Variants in BLMH observed in about 807,000 individuals in gnomAD.
The protein encoded by BLMH is bleomycin hydrolase.
Under a neutral mutation model 61.6 loss-of-function variants are expected in BLMH, and 32 were observed. The observed-to-expected ratio is 0.52, with a 90% CI of 0.39 to 0.70. The LOEUF is 0.70. Among genes scored for constraint, BLMH ranks in the 30% least tolerant of loss-of-function variants. BLMH has a pLI of 0.00. For synonymous variants in BLMH, 183 were observed against 193.8 expected (o/e 0.94, Z 0.46); for missense variants, 460 against 555.5 (o/e 0.83, Z 1.73).
intron 11 of BLMH, among the ~76,000 whole-genome samples, chr17:30,255,344 G>A (rs1907784418): frequency 6.6e-6 from 1 of 152,174 alleles, no homozygotes; most frequent in South Asian, 2.1e-4. Flanking sequence ...GTTTGTGTAA[G>A]TACACTCCAT....
chr17:30,258,263 T>C (rs951971701), intron 11 of BLMH, among the ~76,000 whole-genome samples: 7 of 151,268 alleles, frequency 4.6e-5, no homozygotes, highest in African/African-American at 1.7e-4. Context: ...AACCACCCCT[T>C]ATAATTATGA....
intron 5 of BLMH, 72 bp from the exon 6 acceptor site, chr17:30,285,552 G>T: frequency 8.1e-7 from 1 of 1,233,176 alleles, no homozygotes; most frequent in Non-Finnish European, 1.1e-6. Flanking sequence ...ATAGACCAAC[G>T]CAAGTTCTAT....
At chr17:30,282,387 T>C (rs1008710767) in intron 6 of BLMH, among the ~76,000 whole-genome samples, 1 of 152,142 alleles carries the variant, frequency 6.6e-6, no homozygotes, top group Non-Finnish European at 1.5e-5. Context: ...CAGATGTTTT[T>C]TTCGTATTTT....
intron 11 of BLMH, 152 bp downstream of exon 11, chr17:30,266,733 G>A: frequency 1.4e-6 from 1 of 698,922 alleles, no homozygotes; most frequent in Non-Finnish European, 2.4e-6. Flanking sequence ...GAATCCTGGG[G>A]GCAAATCAGA....
chr17:30,273,016 T>A, intron 7 of BLMH, 117 bp from the exon 8 acceptor site: 1 of 1,116,002 alleles, frequency 9.0e-7, no homozygotes, highest in Non-Finnish European at 1.3e-6. Context: ...ACAAGCTAAG[T>A]ACTACAGCCA....
In BLMH at chr17:30,291,318, C is replaced by T. The variant is rs116202830; in HGVS notation, c.204G>A (p.Lys68=). 18 of 1,612,118 alleles carry T rather than the reference C, an allele frequency of 1.1e-5. No individual in the cohort carries two copies. In the African/African-American group the frequency reaches 2.1e-4, roughly 19 times the overall value. Residue 68 remains lysine, a synonymous_variant, in exon 2 of 12, where the codon AAG becomes AAA. Coordinates refer to ENST00000261714, the MANE Select transcript of BLMH (RefSeq NM_000386.4). ...AGAAGTGGAAGCCCACACCTGAGCT[C>T]TTCTGGTTGGTGATTGGCTTGCCCT... ...PQEGKPITNQ[K]SSGRCWIFSC... is the part of the protein sequence containing the mutation.
chr17:30,256,360 G>A (rs904394553), intron 11 of BLMH, among the ~76,000 whole-genome samples: 1 of 152,042 alleles, frequency 6.6e-6, no homozygotes, highest in African/African-American at 2.4e-5. Flanking sequence ...GCAGAGTCTT[G>A]CTCTGTAGCT....
intron 11 of BLMH, among the ~76,000 whole-genome samples, chr17:30,262,923 CAT>C (rs1445433364): frequency 2.6e-5 from 4 of 152,236 alleles, no homozygotes; most frequent in Non-Finnish European, 5.9e-5. Flanking sequence ...AATGTGCTAA[CAT>C]GTGACAAACC....
chr17:30,268,258 A>G lies in BLMH; in HGVS notation c.1147-1304T>C, dbSNP rs954516146. Among the ~76,000 whole-genome samples the G allele has an allele frequency of 5.3e-5, 8 of 152,182 alleles. No individual in the cohort carries two copies. The East Asian group carries it at 5.8e-4, about 11-fold the overall frequency. ...GTTTCCTATGTTTTCCCCTTGGCCA[A>G]TGAATTCCTGGAGTGACCTAGATCA... is the stretch of plus-strand genomic sequence containing the variant. On this transcript the variant is annotated intron_variant, in intron 10 of 11. Transcript: ENST00000261714.
Position 30,272,588 on chromosome 17 carries a change from C to T in BLMH, c.1001G>A (p.Ser334Asn). ...FGCDVGKHFNSKLGLSDMNLY... is the reference protein window; with the variant it reads ...FGCDVGKHFNNKLGLSDMNLY... ...ATTCATGTCACTGAGGCCCAGCTTG[C>T]TATTGAAGTGTTTTCCAACATCACA... Residue 334 changes from serine (S) to asparagine (N), a missense_variant, in exon 9 of 12, where the codon AGC (serine) becomes AAC (asparagine). Physicochemically the swap from Ser to Asn is conservative, Grantham distance 46. This residue lies in a region of BLMH where 310 missense variants were observed against 371.1 expected (regional missense o/e 0.84). Coordinates refer to ENST00000261714, the MANE Select transcript of BLMH (RefSeq NM_000386.4). The T allele has an allele frequency of 8.1e-6, 13 of 1,614,180 alleles. No homozygotes were observed. The highest frequency in any genetic ancestry group is 1.0e-5 in the Non-Finnish European group (12 of 1,180,042).
At position 30,262,523 on chromosome 17, in the gene BLMH, C is replaced by T. The variant is rs192052723; in HGVS notation, c.1216+4362G>A. Among the ~76,000 whole-genome samples the T allele has an allele frequency of 1.3e-4, 20 of 152,264 alleles. No individual in the cohort carries two copies. The East Asian group carries it at 1.7e-3, about 13-fold the overall frequency. The stretch of plus-strand genomic sequence containing the variant: ...AGAACTAAATAACCTTGGCCGGGCA[C>T]GGTGGCTCACGCCTGTAACCCAGCA... On this transcript the variant is annotated intron_variant, in intron 11 of 11. Transcript: ENST00000261714.
rs1310467714 is a variant in BLMH at position 30,248,419 on chromosome 17, C to G, written c.*598G>C. Reference sequence around the variant, plus strand: ...TCTAAGCCTCTACTCAAACCTGACTCAAGCAGAGATGTGCACACCCCACAG... The same window carrying G: ...TCTAAGCCTCTACTCAAACCTGACTGAAGCAGAGATGTGCACACCCCACAG... On this transcript the variant is annotated 3_prime_UTR_variant, in exon 12 of 12. Coordinates refer to ENST00000261714, the MANE Select transcript of BLMH (RefSeq NM_000386.4). 2 of 108,574 alleles carry G rather than the reference C, an allele frequency of 1.8e-5. No homozygotes were observed. Among genetic ancestry groups the G allele is most frequent in the East Asian group, 2.0e-4 (1 of 4,912 alleles). The allele number at this position is 108,574 out of a possible 1,614,324, so 6.7% of individuals were successfully genotyped here.
rs1268740779 is a variant in BLMH at position 30,249,134 on chromosome 17, C to T, written c.1251G>A (p.Glu417=). 4 of 1,614,014 alleles carry T rather than the reference C, an allele frequency of 2.5e-6. No individual in the cohort carries two copies. In the Admixed American group the frequency reaches 5.0e-5, roughly 20 times the overall value. The change falls in exon 12 of 12, where the codon GAG becomes GAA. Residue 417 remains glutamate (E), a synonymous_variant. Coordinates refer to ENST00000261714, the MANE Select transcript of BLMH (RefSeq NM_000386.4). ...TGTCCACCACCACTTCGTAGACATACTCAGAGAACCACTCATCTGTCATGC... is the reference window on the plus strand; with the variant it reads ...TGTCCACCACCACTTCGTAGACATATTCAGAGAACCACTCATCTGTCATGC... ...YLCMTDEWFS[E]YVYEVVVDRK... is the part of the protein sequence containing the mutation.
chr17:30,253,506 T>C (rs1220955762), intron 11 of BLMH, among the ~76,000 whole-genome samples: 1 of 152,120 alleles, frequency 6.6e-6, no homozygotes, highest in Non-Finnish European at 1.5e-5. Flanking sequence ...CTGTTGACAC[T>C]GTGTGTCTTG....
intron 9 of BLMH, 93 bp downstream of exon 9, chr17:30,272,468 G>T: frequency 7.1e-7 from 1 of 1,411,874 alleles, no homozygotes; most frequent in Non-Finnish European, 1.0e-6. Context: ...CTTCATCTTT[G>T]GATGAACCTC....
intron 6 of BLMH, among the ~76,000 whole-genome samples, chr17:30,282,520 GA>G (rs1908620537): frequency 6.6e-6 from 1 of 152,098 alleles, no homozygotes; most frequent in African/African-American, 2.4e-5. Flanking sequence ...GCCCAACTGA[GA>G]ATACATTAAT....
intron 11 of BLMH, 144 bp downstream of exon 11, chr17:30,266,741 A>C (rs1196198207): frequency 2.7e-6 from 2 of 736,870 alleles, no homozygotes; most frequent in Non-Finnish European, 4.5e-6. Context: ...GGGGCAAATC[A>C]GATCCTCAGA....
chr17:30,264,069 G>C (rs1178816895), intron 11 of BLMH, among the ~76,000 whole-genome samples: 2 of 152,178 alleles, frequency 1.3e-5, no homozygotes, highest in Non-Finnish European at 2.9e-5. Context: ...GCGCTCTCCT[G>C]AGGTCAGGCC....
At chr17:30,277,697 T>G (rs767490147) in intron 6 of BLMH, among the ~76,000 whole-genome samples, 1 of 152,242 alleles carries the variant, frequency 6.6e-6, no homozygotes, top group East Asian at 1.9e-4. Flanking sequence ...ATACAAATGT[T>G]TTACACTATA....
Sources: gnomAD v4.1 joint callset for allele counts (sites outside exome capture counted in the v4.1 genomes callset) on GRCh38, gnomAD v4.1.1 for gene constraint, gnomAD v4.1.1 regional missense constraint, MANE v1.5 for transcripts, NCBI Gene and HGNC (gene_info 2026-07-23, HGNC 2026-07-21) for gene names.